TLR6: variants seen among roughly 807,000 people sequenced by gnomAD.
TLR6 encodes the protein toll like receptor 6.
In TLR6, 9 loss-of-function variants were observed where a neutral mutation model predicts 16.1. The ratio of observed to expected loss-of-function variants is 0.56; its 90% CI spans 0.34 to 0.98. TLR6 has a LOEUF of 0.98. Ranked by LOEUF, TLR6 falls within the 50% of genes least tolerant of loss-of-function variation. TLR6 has a pLI of 0.02. For missense variants in TLR6, 786 were observed against 921.0 expected (o/e 0.85, Z 1.90); for synonymous variants, 340 against 338.6 (o/e 1.00, Z -0.04).
At chr4:38,843,576 C>T (rs1712380939) in intron 1 of TLR6, 5 of 152,112 alleles carry the variant, frequency 3.3e-5, no homozygotes. Context: ...ATCCACTTTT[C>T]GTCATCAGAG....
At chr4:38,859,557 T>A (rs1182495062), upstream of TLR6, among the ~76,000 whole-genome samples, 1 of 137,108 alleles carries the variant, frequency 7.3e-6, no homozygotes. Context: ...GAGAAATAGA[T>A]TATTGGCCTT....
upstream of TLR6, among the ~76,000 whole-genome samples, chr4:38,860,336 G>T (rs1471886028): frequency 3.3e-5 from 5 of 152,100 alleles, no homozygotes; most frequent in Non-Finnish European, 7.4e-5. Flanking sequence ...GCTGGATGTG[G>T]TGGCTGGCGC....
chr4:38,845,030 G>T (rs574450154), intron 1 of TLR6, among the ~76,000 whole-genome samples: 1 of 152,320 alleles, frequency 6.6e-6, no homozygotes, highest in Admixed American at 6.5e-5. Flanking sequence ...CTGCACTCCA[G>T]CCTGGGTGAC....
chr4:38,854,986 G>C (rs1331287760), intron 1 of TLR6, among the ~76,000 whole-genome samples: 1 of 152,134 alleles, frequency 6.6e-6, no homozygotes, highest in Non-Finnish European at 1.5e-5. Context: ...AAGGCGGGTG[G>C]ATCACGAGGT....
At chr4:38,867,311 TA>T in the TLR6 span, among the ~76,000 whole-genome samples, 1 of 152,266 alleles carries the variant, frequency 6.6e-6, no homozygotes, top group East Asian at 1.9e-4. Flanking sequence ...AGGCCAAAGC[TA>T]ATACATCGGA....
In TLR6 at chr4:38,828,643, A is replaced by ATATCTTT; in HGVS notation, c.830_831insAAAGATA (p.Val278LysfsTer15). On this transcript the variant is annotated frameshift_variant, in exon 2 of 2. Transcript: ENST00000436693. LOFTEE classifies it low-confidence loss of function (END_TRUNC). ...AATTGTAAATATTGAGATATTCCAC[A>ATATCTTT]GGTTTGGGCCAAAGAAATTGAAAGA... The ATATCTTT allele has an allele frequency of 6.2e-7, 1 of 1,614,124 alleles. No individual in the cohort carries two copies. Among genetic ancestry groups the ATATCTTT allele is most frequent in the Non-Finnish European group, 8.5e-7 (1 of 1,179,966 alleles).
At chr4:38,829,519 C>A (rs56287514) in exon 2 of TLR6, 1 of 1,188,662 alleles carries the variant, frequency 8.4e-7, no homozygotes, top group East Asian at 2.3e-5. Flanking sequence ...TTCAGAGCAT[C>A]TTGATATGAG....
exon 2 of TLR6, chr4:38,828,121 C>T (rs751872609): frequency 1.1e-5 from 18 of 1,614,036 alleles, no homozygotes; most frequent in Non-Finnish European, 7.6e-6. Flanking sequence ...GTACCTTGAT[C>T]CTGGGAGGTA....
At chr4:38,837,290 G>A (rs1454407363) in intron 1 of TLR6, among the ~76,000 whole-genome samples, 7 of 152,208 alleles carry the variant, frequency 4.6e-5, no homozygotes, top group South Asian at 2.1e-4. Flanking sequence ...CAGTACTGAG[G>A]AAAAGGGGCA....
upstream of TLR6, among the ~76,000 whole-genome samples, chr4:38,858,744 AG>A (rs1172400311): frequency 3.1e-5 from 3 of 95,758 alleles, no homozygotes; most frequent in African/African-American, 5.3e-5. Context: ...AGAAAGAAAG[AG>A]AGAGAGAGAG....
the TLR6 span, among the ~76,000 whole-genome samples, chr4:38,866,075 A>G: frequency 6.6e-6 from 1 of 150,768 alleles, no homozygotes; most frequent in Admixed American, 6.6e-5. Context: ...GGAGATGGAG[A>G]TGGTGCCACT....
intron 1 of TLR6, among the ~76,000 whole-genome samples, chr4:38,844,778 G>T (rs1354018203): frequency 6.6e-6 from 1 of 152,174 alleles, no homozygotes; most frequent in African/African-American, 2.4e-5. Context: ...AAGAGACCTG[G>T]CCTGGTGGCT....
At chr4:38,857,741 G>T (rs564184686), upstream of TLR6, among the ~76,000 whole-genome samples, 11 of 152,246 alleles carry the variant, frequency 7.2e-5, no homozygotes, top group African/African-American at 2.6e-4. Context: ...TCTGCTTTCA[G>T]GAGGAAGAGA....
chr4:38,837,381 A>G (rs1478398303), intron 1 of TLR6, among the ~76,000 whole-genome samples: 2 of 152,242 alleles, frequency 1.3e-5, no homozygotes, highest in Non-Finnish European at 2.9e-5. Context: ...AAACAGATAC[A>G]TAGACCAATA....
chr4:38,865,709 G>T, the TLR6 span, among the ~76,000 whole-genome samples: 1 of 152,160 alleles, frequency 6.6e-6, no homozygotes. Flanking sequence ...TTTTAGAGGT[G>T]GAAAAACTGA....
At position 38,829,088 on chromosome 4, in the gene TLR6, G is replaced by A. The variant is rs776771911; in HGVS notation, c.386C>T (p.Ser129Leu). Residue 129 changes from serine (S) to leucine (L), a missense_variant, in exon 2 of 2, where the codon TCA (serine) becomes TTA (leucine). Physicochemically the swap from Ser to Leu is moderately radical, Grantham distance 145. Coordinates refer to ENST00000436693, the Ensembl canonical transcript of TLR6. Reference sequence around the variant, plus strand: ...GGGCAGGGCCTTGAAATCATTGAATGAGAGATCTAAATGCCTGAAACTCAC... The same window carrying A: ...GGGCAGGGCCTTGAAATCATTGAATAAGAGATCTAAATGCCTGAAACTCAC... 3 of 1,614,148 alleles carry A rather than the reference G, an allele frequency of 1.9e-6. No homozygotes were observed. The Admixed American group carries it at 5.0e-5, about 27-fold the overall frequency.
chr4:38,850,815 G>A (rs1205215683), intron 1 of TLR6, among the ~76,000 whole-genome samples: 1 of 152,196 alleles, frequency 6.6e-6, no homozygotes, highest in African/African-American at 2.4e-5. Flanking sequence ...CTAGGAGCTG[G>A]TACCATTCCT....
intron 1 of TLR6, among the ~76,000 whole-genome samples, chr4:38,847,279 T>C (rs557866893): frequency 1.4e-4 from 21 of 152,266 alleles, no homozygotes; most frequent in African/African-American, 4.3e-4. Context: ...AAAGTCAACA[T>C]CAAGAATGCA....
At chr4:38,847,123 A>G (rs1712563980) in intron 1 of TLR6, among the ~76,000 whole-genome samples, 1 of 152,230 alleles carries the variant, frequency 6.6e-6, no homozygotes, top group Admixed American at 6.5e-5. Context: ...GCATCTCTAT[A>G]AAGGTGAAAA....
Sources: allele counts gnomAD v4.1 joint callset (sites outside exome capture counted in the v4.1 genomes callset), GRCh38; gene constraint gnomAD v4.1.1; transcripts MANE v1.5; gene names NCBI Gene and HGNC (gene_info 2026-07-23, HGNC 2026-07-21).